UBAC2: variants seen among roughly 807,000 people sequenced by gnomAD.
The protein encoded by UBAC2 is ubiquitin-associated domain-containing protein 2.
Under a neutral mutation model 44.0 loss-of-function variants are expected in UBAC2, and 26 were observed. The ratio of observed to expected loss-of-function variants is 0.59; its 90% CI spans 0.43 to 0.82. The LOEUF (loss-of-function observed/expected upper bound fraction) is 0.82, where lower values mean the gene tolerates loss of function less well. Among genes scored for constraint, UBAC2 ranks in the 40% least tolerant of loss-of-function variants. UBAC2 has a pLI of 0.00. For synonymous variants in UBAC2, 155 were observed against 154.3 expected (o/e 1.00, Z -0.04); for missense variants, 329 against 419.4 (o/e 0.78, Z 1.88).
chr13:99,314,109 G>A lies in UBAC2; in HGVS notation c.402G>A (p.Val134=), dbSNP rs369781516. ...TTTGTTTGCATAGCCTGGCACCTGTGTTTGCTCTGTTTGTACCATTTTACT... is the reference window on the plus strand; with the variant it reads ...TTTGTTTGCATAGCCTGGCACCTGTATTTGCTCTGTTTGTACCATTTTACT... ...SNLPSGFLAP[V]FALFVPFYCS... Residue 134 remains valine, a synonymous_variant, in exon 5 of 9, where the codon GTG becomes GTA. Transcript: ENST00000403766. The A allele has an allele frequency of 4.3e-6, 7 of 1,609,498 alleles. No individual in the cohort carries two copies. The highest frequency in any genetic ancestry group is 5.9e-6 in the Non-Finnish European group (7 of 1,178,738).
intron 7 of UBAC2, among the ~76,000 whole-genome samples, chr13:99,350,600 G>T (rs2045069954): frequency 6.6e-6 from 1 of 152,252 alleles, no homozygotes; most frequent in Admixed American, 6.5e-5. Context: ...CCCATGCCTT[G>T]CCCTGTGCAT....
At chr13:99,339,015 TC>T (rs770497954) in intron 6 of UBAC2, among the ~76,000 whole-genome samples, 7 of 151,798 alleles carry the variant, frequency 4.6e-5, no homozygotes, top group Non-Finnish European at 1.0e-4. Context: ...TGTCTCCTCC[TC>T]CCCCCCATTT....
chr13:99,214,844 AG>A (rs1045713997), intron 1 of UBAC2, among the ~76,000 whole-genome samples: 7 of 151,778 alleles, frequency 4.6e-5, no homozygotes, highest in Admixed American at 4.6e-4. Context: ...TGGGTGGGGA[AG>A]GGTTTGAGGC....
intron 4 of UBAC2, chr13:99,256,396 G>A (rs2138630301): frequency 6.6e-6 from 1 of 152,356 alleles, no homozygotes; most frequent in East Asian, 1.9e-4. Context: ...AGCAGATCAA[G>A]AACTAGACTG....
In UBAC2 at chr13:99,311,239, G is replaced by T. The variant is rs547162945; in HGVS notation, c.390-2858G>T. On this transcript the variant is annotated intron_variant, in intron 4 of 8. Coordinates refer to ENST00000403766, the MANE Select transcript of UBAC2 (RefSeq NM_001144072.2). The stretch of plus-strand genomic sequence containing the variant: ...GTGATGAGAAGGCTGTAAGTGCTGT[G>T]GGGGAGGACAGTCAGGAAGAGAGTA... Among the ~76,000 whole-genome samples, 11 of 152,282 alleles carry T rather than the reference G, an allele frequency of 7.2e-5. No individual in the cohort carries two copies. In the East Asian group the frequency reaches 1.7e-3, roughly 24 times the overall value.
intron 4 of UBAC2, among the ~76,000 whole-genome samples, chr13:99,264,018 A>G (rs973598876): frequency 6.6e-6 from 1 of 152,190 alleles, no homozygotes; most frequent in East Asian, 1.9e-4. Flanking sequence ...ATAATAAGGA[A>G]GGGTCCCCCA....
chr13:99,263,116 T>C (rs777599485), intron 4 of UBAC2, among the ~76,000 whole-genome samples: 1 of 152,192 alleles, frequency 6.6e-6, no homozygotes, highest in Non-Finnish European at 1.5e-5. Flanking sequence ...CATTATAATA[T>C]TATACTTCGT....
chr13:99,277,544 A>G lies in UBAC2; in HGVS notation c.389+32920A>G, dbSNP rs572433176. ...CCATCTCAAAAAATAAATAAATAAA[A>G]TAAAATAAAAGGCAATATTGGTTTT... On this transcript the variant is annotated intron_variant, in intron 4 of 8. Coordinates refer to ENST00000403766, the MANE Select transcript of UBAC2 (RefSeq NM_001144072.2). 3.9e-5 allele frequency among the ~76,000 whole-genome samples: 6 copies of G among 152,316 alleles called. No homozygotes were observed. The South Asian group carries it at 1.2e-3, about 32-fold the overall frequency.
At position 99,368,264 on chromosome 13, in the gene UBAC2, G is replaced by A. The variant is rs148666432; in HGVS notation, c.927+358G>A. ...GTGCCTTTGGCATGGTTTCACTTTT[G>A]TATGGTTTTGAGTCATGTTAATGTT... On this transcript the variant is annotated intron_variant, in intron 8 of 8. Transcript: ENST00000403766. Among the ~76,000 whole-genome samples the A allele has an allele frequency of 9.2e-3, 1,403 of 152,288 alleles. 16 individuals are homozygous for A. Among genetic ancestry groups the A allele is most frequent in the Non-Finnish European group, 0.015 (989 of 68,028 alleles).
chr13:99,383,477 T>C (rs2045577795), intron 8 of UBAC2, among the ~76,000 whole-genome samples: 1 of 152,250 alleles, frequency 6.6e-6, no homozygotes, highest in Non-Finnish European at 1.5e-5. Context: ...TGCTCTACGC[T>C]GTCCACCAGC....
intron 1 of UBAC2, among the ~76,000 whole-genome samples, chr13:99,207,787 T>C (rs1343272694): frequency 6.6e-6 from 1 of 152,142 alleles, no homozygotes; most frequent in East Asian, 1.9e-4. Flanking sequence ...TCCACCTTCG[T>C]TCCAGCTTAG....
At chr13:99,250,895 C>T (rs1183496710) in intron 4 of UBAC2, among the ~76,000 whole-genome samples, 1 of 151,982 alleles carries the variant, frequency 6.6e-6, no homozygotes, top group Non-Finnish European at 1.5e-5. Flanking sequence ...TACAGGCGCC[C>T]ACCACCATGC....
chr13:99,244,103 C>A (rs1204213446), intron 3 of UBAC2, among the ~76,000 whole-genome samples, 152 bp downstream of exon 3: 4 of 151,734 alleles, frequency 2.6e-5, no homozygotes, highest in Non-Finnish European at 2.9e-5. Flanking sequence ...TGGACATTAA[C>A]CAAAGAAAAT....
At chr13:99,213,111 C>CATATA (rs2042952609) in intron 1 of UBAC2, among the ~76,000 whole-genome samples, 3 of 151,942 alleles carry the variant, frequency 2.0e-5, no homozygotes, top group Non-Finnish European at 2.9e-5. Context: ...TATACATATA[C>CATATA]CTATACATTT....
In UBAC2 at chr13:99,229,599, A is replaced by G. The variant is rs188162222; in HGVS notation, c.32-8828A>G. ...GCAGCCTCGTTTTAGGAAAGAGTAT[A>G]TACAAACACACACAGATAGTCCTTG... On this transcript the variant is annotated intron_variant, in intron 1 of 8. Coordinates refer to ENST00000403766, the MANE Select transcript of UBAC2 (RefSeq NM_001144072.2). Among the ~76,000 whole-genome samples, 34 of 152,358 alleles carry G rather than the reference A, an allele frequency of 2.2e-4. 1 individual carries two copies. The East Asian group carries it at 3.7e-3, about 16-fold the overall frequency.
Position 99,344,124 on chromosome 13 carries a change from T to C in UBAC2, c.807+3559T>C, listed in dbSNP as rs115368218. ...CCAGTCCTATAGTAAGTACTCAGTA[T>C]ATGTTATCTCATTTATGCCCGGTGT... On this transcript the variant is annotated intron_variant, in intron 7 of 8. Coordinates refer to ENST00000403766, the MANE Select transcript of UBAC2 (RefSeq NM_001144072.2). Among the ~76,000 whole-genome samples the C allele has an allele frequency of 6.4e-3, 977 of 152,364 alleles. 6 individuals are homozygous for C. Among genetic ancestry groups the C allele is most frequent in the African/African-American group, 0.023 (949 of 41,582 alleles).
At chr13:99,221,250 C>T (rs1475335114) in intron 1 of UBAC2, among the ~76,000 whole-genome samples, 2 of 152,154 alleles carry the variant, frequency 1.3e-5, no homozygotes, top group Non-Finnish European at 2.9e-5. Context: ...AAATGGATTT[C>T]TTGGATCTGT....
Position 99,234,179 on chromosome 13 carries a change from T to TC in UBAC2, c.32-4248_32-4247insC, listed in dbSNP as rs2043208258. Among the ~76,000 whole-genome samples, 26 of 120,902 alleles carry TC rather than the reference T, an allele frequency of 2.2e-4. 1 individual carries two copies. The South Asian group carries it at 7.7e-3, about 36-fold the overall frequency. The allele number at this position is 120,902 out of a possible 152,430, so 79.3% of individuals were successfully genotyped here. A position where few individuals can be genotyped will look rare whatever the true frequency, so the allele number is the denominator to read the frequency against. ...CATTGTGCTAGCCGTTTCTTTTTTT[T>TC]TTTTTTTTTTTTTTTTTTTTTGAGA... On this transcript the variant is annotated intron_variant, in intron 1 of 8. Coordinates refer to ENST00000403766, the MANE Select transcript of UBAC2 (RefSeq NM_001144072.2).
intron 4 of UBAC2, among the ~76,000 whole-genome samples, chr13:99,260,190 C>T (rs541507441): frequency 6.6e-6 from 1 of 152,176 alleles, no homozygotes; most frequent in Non-Finnish European, 1.5e-5. Flanking sequence ...TTTCTCTGCC[C>T]TCCGAAGCTG....
Sources: gnomAD v4.1 joint callset for allele counts (sites outside exome capture counted in the v4.1 genomes callset) on GRCh38, gnomAD v4.1.1 for gene constraint, MANE v1.5 for transcripts, NCBI Gene and HGNC (gene_info 2026-07-23, HGNC 2026-07-21) for gene names.